Variants in SCN2A observed in about 807,000 individuals in gnomAD.
The protein encoded by SCN2A is sodium channel protein type 2 subunit alpha.
A neutral mutation model predicts 188.7 loss-of-function variants in SCN2A; 20 were observed. That is an observed-to-expected ratio of 0.11 (90% confidence interval 0.07 to 0.15). The LOEUF (loss-of-function observed/expected upper bound fraction) is 0.15. SCN2A is among the 10% of genes least tolerant of loss of function. The probability of loss-of-function intolerance (pLI) is 1.00; values close to 1 mark genes in which losing one functional copy is unlikely to be tolerated. For synonymous variants in SCN2A, 804 were observed against 833.1 expected (o/e 0.97, Z 0.60); for missense variants, 1,278 against 2,445.0 (o/e 0.52, Z 10.07).
intron 1 of SCN2A, among the ~76,000 whole-genome samples, chr2:165,249,294 A>G (rs1051305827): frequency 2.6e-5 from 4 of 152,136 alleles, no homozygotes; most frequent in African/African-American, 7.2e-5. Context: ...AGCTTTCGCT[A>G]TGTAGGTTGC....
chr2:165,261,223 A>AAT (rs1261790947), intron 1 of SCN2A, among the ~76,000 whole-genome samples: 1 of 152,216 alleles, frequency 6.6e-6, no homozygotes, highest in African/African-American at 2.4e-5. Flanking sequence ...AGAATCCACA[A>AAT]ATATAGAGAG....
At chr2:165,357,961 T>C (rs756135343) in intron 17 of SCN2A, among the ~76,000 whole-genome samples, 5 of 152,104 alleles carry the variant, frequency 3.3e-5, no homozygotes, top group Non-Finnish European at 5.9e-5. Context: ...CCATTGGCAG[T>C]AAAATAAAAA....
At chr2:165,246,559 C>T (rs187779009) in intron 1 of SCN2A, among the ~76,000 whole-genome samples, 6 of 152,266 alleles carry the variant, frequency 3.9e-5, no homozygotes, top group Admixed American at 3.9e-4. Context: ...TTGATTATCT[C>T]TCACTAAATG....
In SCN2A at chr2:165,380,663, T is replaced by C; in HGVS notation, c.4380T>C (p.Gly1460=). 1 of 1,593,632 alleles carries C rather than the reference T, an allele frequency of 6.3e-7. No individual in the cohort carries two copies. The highest frequency in any genetic ancestry group is 1.1e-5 in the South Asian group (1 of 90,556). ...ATTTTGTCATCTTTATTATTTTTGG[T>C]TCATTCTTTACCTTGAATCTTTTCA... is the stretch of plus-strand genomic sequence containing the variant. ...YLYFVIFIIF[G]SFFTLNLFIG... Residue 1460 remains glycine (G), a synonymous_variant, in exon 24 of 27, where the codon GGT becomes GGC. Transcript: ENST00000375437.
chr2:165,310,756 T>C (rs1191933406), intron 7 of SCN2A, 161 bp downstream of exon 7: 1 of 463,486 alleles, frequency 2.2e-6, no homozygotes, highest in Non-Finnish European at 3.6e-6. Context: ...CCTTATTCTA[T>C]TTTTCTTATC....
chr2:165,270,613 C>T (rs1695062632), intron 1 of SCN2A: 1 of 152,114 alleles, frequency 6.6e-6, no homozygotes, highest in Admixed American at 6.6e-5. Context: ...GCAAGAACCT[C>T]CACCCCAGGC....
In SCN2A at chr2:165,381,060, C is replaced by T. The variant is rs1437401215; in HGVS notation, c.4447-33C>T. On this transcript the variant is annotated intron_variant, in intron 24 of 26. Transcript: ENST00000375437. The stretch of plus-strand genomic sequence containing the variant: ...TGGATTTTATAGCCAGCAAAGAACA[C>T]AATTTTAACAAGTGTTGCTTTCATT... The T allele has an allele frequency of 2.8e-6, 4 of 1,438,096 alleles. No homozygotes were observed. In the East Asian group the frequency reaches 9.5e-5, roughly 34 times the overall value. The allele number at this position is 1,438,096 out of a possible 1,614,324, so 89.1% of individuals were successfully genotyped here. A position where few individuals can be genotyped will look rare whatever the true frequency, so the allele number is the denominator to read the frequency against.
At chr2:165,269,365 A>T (rs944748457) in intron 1 of SCN2A, 1 of 152,018 alleles carries the variant, frequency 6.6e-6, no homozygotes, top group Non-Finnish European at 1.5e-5. Flanking sequence ...GTTTATATTT[A>T]TGGTTTTAGC....
chr2:165,334,500 TATATC>T (rs1698877610), intron 14 of SCN2A, among the ~76,000 whole-genome samples: 1 of 151,800 alleles, frequency 6.6e-6, no homozygotes, highest in African/African-American at 2.4e-5. Flanking sequence ...ATTAATGTAA[TATATC>T]ATATTAATTT....
At chr2:165,245,986 T>G (rs923971404) in intron 1 of SCN2A, among the ~76,000 whole-genome samples, 8 of 152,112 alleles carry the variant, frequency 5.3e-5, no homozygotes, top group African/African-American at 1.9e-4. Context: ...CTTAGTTATA[T>G]CACCAGGAAT....
intron 1 of SCN2A, among the ~76,000 whole-genome samples, chr2:165,241,891 AAACAGAAAGTTGCTTATTCCAGGTAC>A (rs1424129123): frequency 6.6e-6 from 1 of 152,220 alleles, no homozygotes; most frequent in Non-Finnish European, 1.5e-5. Flanking sequence ...AAATAAAGAA[AAACAGAAAGTTGCTTATTCCAGGTAC>A]ATAGGTGAGG....
Position 165,390,149 on chromosome 2 carries a change from G to A in SCN2A, c.*325G>A. ...TTAAATTTTTATGTAAATTCAACAT[G>A]TGACACTTGATAATAGTAATTGTCA... On this transcript the variant is annotated 3_prime_UTR_variant, in exon 27 of 27. Transcript: ENST00000375437. 1 of 285,154 alleles carries A rather than the reference G, an allele frequency of 3.5e-6. No individual in the cohort carries two copies. The highest frequency in any genetic ancestry group is 1.2e-3 in the Middle Eastern group (1 of 826). 17.7% of individuals were successfully genotyped at this position (285,154 alleles called of 1,614,324 possible).
chr2:165,248,385 C>G (rs887287553), intron 1 of SCN2A, among the ~76,000 whole-genome samples: 3 of 152,066 alleles, frequency 2.0e-5, no homozygotes, highest in Non-Finnish European at 4.4e-5. Flanking sequence ...TTGAATATTG[C>G]AGGAACACTT....
chr2:165,364,735 T>C (rs1441163506), intron 17 of SCN2A, among the ~76,000 whole-genome samples: 3 of 152,214 alleles, frequency 2.0e-5, no homozygotes, highest in Non-Finnish European at 4.4e-5. Context: ...GACATGAAAA[T>C]ACACTTGTGC....
chr2:165,241,627 A>T (rs1370425288), intron 1 of SCN2A, among the ~76,000 whole-genome samples: 1 of 152,242 alleles, frequency 6.6e-6, no homozygotes, highest in Non-Finnish European at 1.5e-5. Context: ...TAATTAGTCA[A>T]GGAGTTTACC....
intron 11 of SCN2A, among the ~76,000 whole-genome samples, chr2:165,317,125 G>A (rs1392444351): frequency 6.6e-6 from 1 of 151,744 alleles, no homozygotes; most frequent in Non-Finnish European, 1.5e-5. Flanking sequence ...AATTTTTTTA[G>A]GTCAGCCTTA....
intron 12 of SCN2A, among the ~76,000 whole-genome samples, chr2:165,325,661 A>G (rs942986880): frequency 1.3e-5 from 2 of 152,022 alleles, no homozygotes; most frequent in African/African-American, 2.4e-5. Flanking sequence ...CCTCTTTCTG[A>G]CAAGCTGAAA....
intron 1 of SCN2A, among the ~76,000 whole-genome samples, chr2:165,278,736 G>C (rs1695454554): frequency 6.6e-6 from 1 of 152,100 alleles, no homozygotes; most frequent in Non-Finnish European, 1.5e-5. Context: ...CAGGAGACCA[G>C]CGCTGGCAAC....
Position 165,342,276 on chromosome 2 carries a change from G to T in SCN2A, c.2389-20G>T. 2 of 1,606,618 alleles carry T rather than the reference G, an allele frequency of 1.2e-6. No homozygotes were observed. The highest frequency in any genetic ancestry group is 2.2e-5 in the South Asian group (2 of 90,760). On this transcript the variant is annotated intron_variant, in intron 14 of 26. Coordinates refer to ENST00000375437, the MANE Select transcript of SCN2A (RefSeq NM_001040142.2). ...TTTCAAGAGTATTTGCTCATATAAT[G>T]AACTACACTTCTCATTTAGGTCTTC...
Sources: allele counts gnomAD v4.1 joint callset (sites outside exome capture counted in the v4.1 genomes callset), GRCh38; gene constraint gnomAD v4.1.1; transcripts MANE v1.5; gene names NCBI Gene and HGNC (gene_info 2026-07-23, HGNC 2026-07-21).